Variants in GPR19 observed in about 807,000 individuals in gnomAD.
GPR19 encodes probable G protein-coupled receptor 19.
GPR19 carries 14 observed loss-of-function variants against 28.5 expected under a neutral mutation model. The ratio of observed to expected loss-of-function variants is 0.49; its 90% CI spans 0.32 to 0.77. The LOEUF (loss-of-function observed/expected upper bound fraction) is 0.77. Among genes scored for constraint, GPR19 ranks in the 30% least tolerant of loss-of-function variants. The probability of loss-of-function intolerance (pLI) is 0.03; values close to 1 mark genes in which losing one functional copy is unlikely to be tolerated. For missense variants in GPR19, 409 were observed against 504.1 expected (o/e 0.81, Z 1.81); for synonymous variants, 173 against 184.1 (o/e 0.94, Z 0.49).
At position 12,694,433 on chromosome 12, in the gene GPR19, C is replaced by T. The variant is rs560805304; in HGVS notation, c.-180+1026G>A. Reference sequence around the variant, plus strand: ...GTATTTGCCAGGATGGTCTCGATCTCCTGACGTTGTGATCCGACCGCCTCA... The same window carrying T: ...GTATTTGCCAGGATGGTCTCGATCTTCTGACGTTGTGATCCGACCGCCTCA... On this transcript the variant is annotated intron_variant, in intron 2 of 3. Coordinates refer to ENST00000651487, the MANE Select transcript of GPR19 (RefSeq NM_006143.3). Among the ~76,000 whole-genome samples the T allele has an allele frequency of 7.9e-5, 12 of 151,226 alleles. No homozygotes were observed. In the South Asian group the frequency reaches 2.1e-3, roughly 26 times the overall value.
chr12:12,670,002 A>C (rs1417437448), intron 3 of GPR19, among the ~76,000 whole-genome samples: 4 of 152,218 alleles, frequency 2.6e-5, no homozygotes, highest in Non-Finnish European at 5.9e-5. Flanking sequence ...AAGTGCTGGG[A>C]TTATAGGTGT....
chr12:12,714,678 C>T, the GPR19 span, among the ~76,000 whole-genome samples: 3 of 152,166 alleles, frequency 2.0e-5, no homozygotes, highest in African/African-American at 7.2e-5. Flanking sequence ...CACTGTTTAT[C>T]TGAAAATTTT....
chr12:12,703,525 G>A, the GPR19 span: 3 of 509,354 alleles, frequency 5.9e-6, no homozygotes, highest in African/African-American at 6.3e-5. Flanking sequence ...ATGGCCCCTC[G>A]CTCTAGCACA....
chr12:12,693,541 C>T (rs1946215719), intron 2 of GPR19, among the ~76,000 whole-genome samples: 1 of 152,256 alleles, frequency 6.6e-6, no homozygotes, highest in Non-Finnish European at 1.5e-5. Context: ...ACTCTTCTAT[C>T]TCTACAGCTA....
chr12:12,664,919 CAAAAAAAAAA>C (rs746346681), intron 3 of GPR19, among the ~76,000 whole-genome samples: 3 of 31,110 alleles, frequency 9.6e-5, no homozygotes, highest in Admixed American at 5.5e-4. Flanking sequence ...GACGCCATCT[CAAAAAAAAAA>C]AAAAAAAAAA....
In GPR19 at chr12:12,661,284, T is replaced by C; in HGVS notation, c.1165A>G (p.Ile389Val). Residue 389 changes from isoleucine to valine, a missense_variant, in exon 4 of 4, where the codon ATC becomes GTC. Coordinates refer to ENST00000651487, the MANE Select transcript of GPR19 (RefSeq NM_006143.3). The surrounding 1 kb of genome is among the most constrained non-coding windows in gnomAD (Gnocchi z 4.2). ...SMAKTITKDS[I>V]YDSFDREAKE... is the part of the protein sequence containing the mutation. ...GCTTCTCTGTCAAATGAGTCATAGA[T>C]CGAGTCTTTGGTAATAGTTTTGGCC... 1 of 1,613,774 alleles carries C rather than the reference T, an allele frequency of 6.2e-7. No homozygotes were observed. The highest frequency in any genetic ancestry group is 8.5e-7 in the Non-Finnish European group (1 of 1,179,684).
At chr12:12,707,344 A>G in the GPR19 span, among the ~76,000 whole-genome samples, 1 of 152,230 alleles carries the variant, frequency 6.6e-6, no homozygotes, top group African/African-American at 2.4e-5. Context: ...AACATGACAT[A>G]TTATGCTTAT....
At chr12:12,715,866 T>C in the GPR19 span, 1 of 152,240 alleles carries the variant, frequency 6.6e-6, no homozygotes, top group Non-Finnish European at 1.5e-5. Flanking sequence ...TGTCACATTC[T>C]GGAGCGTATG....
chr12:12,675,133 G>A (rs2136325579), intron 3 of GPR19, among the ~76,000 whole-genome samples: 1 of 152,292 alleles, frequency 6.6e-6, no homozygotes, highest in East Asian at 1.9e-4. Context: ...GGCTCCTTGA[G>A]GCCTGGACTT....
At chr12:12,699,601 T>A (rs1592273750), upstream of GPR19, among the ~76,000 whole-genome samples, 1 of 152,112 alleles carries the variant, frequency 6.6e-6, no homozygotes, top group Non-Finnish European at 1.5e-5. Flanking sequence ...CTGGACAATA[T>A]AGCAAGATCC....
intron 2 of GPR19, among the ~76,000 whole-genome samples, chr12:12,687,509 T>C (rs913511254): frequency 6.6e-6 from 1 of 152,210 alleles, no homozygotes; most frequent in Non-Finnish European, 1.5e-5. Flanking sequence ...AGTCGAGATG[T>C]CATGCTGGTT....
chr12:12,675,417 C>A (rs1013187631), intron 3 of GPR19, among the ~76,000 whole-genome samples: 1 of 152,134 alleles, frequency 6.6e-6, no homozygotes, highest in South Asian at 2.1e-4. Flanking sequence ...GAGTAGTAGG[C>A]AGAATGGTTC....
At chr12:12,716,709 A>G in the GPR19 span, 1 of 983,266 alleles carries the variant, frequency 1.0e-6, no homozygotes, top group African/African-American at 1.8e-5. Flanking sequence ...TAATTTCTAA[A>G]AGAAAGACGT....
At chr12:12,702,255 G>C in the GPR19 span, among the ~76,000 whole-genome samples, 1 of 151,100 alleles carries the variant, frequency 6.6e-6, no homozygotes, top group African/African-American at 2.4e-5. Context: ...TAATAGAATA[G>C]AATAGAATAA....
chr12:12,708,776 C>CG, the GPR19 span, among the ~76,000 whole-genome samples: 1 of 152,168 alleles, frequency 6.6e-6, no homozygotes, highest in Non-Finnish European at 1.5e-5. Flanking sequence ...TGGCTGGGCA[C>CG]GGTGGCTCAC....
the GPR19 span, among the ~76,000 whole-genome samples, chr12:12,713,398 C>T: frequency 0.12 from 17,686 of 152,096 alleles, 1,340 homozygotes; most frequent in Admixed American, 0.24. Flanking sequence ...ACTTGCTCCG[C>T]CCTATCCACC....
At chr12:12,694,553 A>T (rs1946235618) in intron 2 of GPR19, among the ~76,000 whole-genome samples, 2 of 152,098 alleles carry the variant, frequency 1.3e-5, no homozygotes, top group South Asian at 4.1e-4. Context: ...CGGACCTACG[A>T]TGCACAGAGC....
the GPR19 span, among the ~76,000 whole-genome samples, chr12:12,713,419 C>G: frequency 6.6e-6 from 1 of 152,300 alleles, no homozygotes; most frequent in East Asian, 1.9e-4. Context: ...ATGGGCCCCC[C>G]TGCTGTTCCT....
chr12:12,692,566 G>T (rs1946199328), intron 2 of GPR19, among the ~76,000 whole-genome samples: 1 of 152,040 alleles, frequency 6.6e-6, no homozygotes, highest in African/African-American at 2.4e-5. Flanking sequence ...AAAAGAGGCA[G>T]AAAGAAAGAC....
Sources: allele counts gnomAD v4.1 joint callset (sites outside exome capture counted in the v4.1 genomes callset), GRCh38; gene constraint gnomAD v4.1.1; non-coding constraint Gnocchi (gnomAD v3.1); transcripts MANE v1.5; gene names NCBI Gene and HGNC (gene_info 2026-07-23, HGNC 2026-07-21).